TLE4: variants seen among roughly 807,000 people sequenced by gnomAD.
The protein encoded by TLE4 is TLE family member 4, transcriptional corepressor.
A neutral mutation model predicts 92.8 loss-of-function variants in TLE4; 8 were observed. The ratio of observed to expected loss-of-function variants is 0.09; its 90% CI spans 0.05 to 0.16. TLE4 has a LOEUF of 0.16. TLE4 is among the 10% of genes least tolerant of loss of function. The pLI, the probability that TLE4 is intolerant of heterozygous loss-of-function variation, is 1.00. For synonymous variants in TLE4, 371 were observed against 374.1 expected (o/e 0.99, Z 0.10); for missense variants, 675 against 997.6 (o/e 0.68, Z 4.36).
chr9:79,705,762 C>A, intron 9 of TLE4, 127 bp from the exon 10 acceptor site: 1 of 929,746 alleles, frequency 1.1e-6, no homozygotes, highest in Non-Finnish European at 1.8e-6. Context: ...AGGACATTGT[C>A]AAGTATTTAA....
rs2071706178 is a variant in TLE4 at position 79,706,803 on chromosome 9, C to G, written c.840C>G (p.Asp280Glu). 8 of 1,614,194 alleles carry G rather than the reference C, an allele frequency of 5.0e-6. No homozygotes were observed. The highest frequency in any genetic ancestry group is 6.8e-6 in the Non-Finnish European group (8 of 1,180,028). ...PAHSPRENGL[D>E]KTRLLKKDAP... is the part of the protein sequence containing the mutation. ...ATTCCCCCAGAGAGAATGGCCTAGA[C>G]AAGACACGCCTGCTCAAGAAAGATG... The change falls in exon 11 of 20, where the codon GAC (aspartate) becomes GAG (glutamate). Residue 280 changes from aspartate (D) to glutamate (E), a missense_variant. Physicochemically the swap from Asp to Glu is conservative, Grantham distance 45. Around this residue, in one of 5 missense-constraint regions of TLE4, gnomAD observed 280 missense variants for 287.3 expected, o/e 0.97. Coordinates refer to ENST00000376552, the MANE Select transcript of TLE4 (RefSeq NM_007005.6).
chr9:79,634,122 A>C (rs1282833860), intron 6 of TLE4, among the ~76,000 whole-genome samples: 1 of 152,164 alleles, frequency 6.6e-6, no homozygotes, highest in East Asian at 1.9e-4. Flanking sequence ...TAAATATTTG[A>C]GTACTTTCAC....
intron 5 of TLE4, among the ~76,000 whole-genome samples, chr9:79,619,869 C>A (rs1297240563): frequency 6.6e-6 from 1 of 152,146 alleles, no homozygotes; most frequent in African/African-American, 2.4e-5. Context: ...TATATATTTT[C>A]TCATAATACT....
At chr9:79,654,991 C>T (rs1313902980) in intron 8 of TLE4, among the ~76,000 whole-genome samples, 2 of 152,230 alleles carry the variant, frequency 1.3e-5, no homozygotes, top group East Asian at 3.9e-4. Context: ...AAAATACAAA[C>T]ATTAGCTGGG....
At chr9:79,647,188 T>C (rs1426269932) in intron 6 of TLE4, among the ~76,000 whole-genome samples, 2 of 152,174 alleles carry the variant, frequency 1.3e-5, no homozygotes, top group Non-Finnish European at 2.9e-5. Flanking sequence ...TTTCTTAGTT[T>C]TGATAAATTT....
At chr9:79,579,075 G>A (rs774862702) in intron 4 of TLE4, among the ~76,000 whole-genome samples, 2 of 152,124 alleles carry the variant, frequency 1.3e-5, no homozygotes, top group African/African-American at 4.8e-5. Flanking sequence ...TTAGTGTGAC[G>A]TCTTCAAAAT....
intron 2 of TLE4, among the ~76,000 whole-genome samples, chr9:79,574,664 A>G (rs1447082919): frequency 6.6e-6 from 1 of 152,158 alleles, no homozygotes; most frequent in African/African-American, 2.4e-5. Context: ...AAATCCTAAA[A>G]ACAAAAAACC....
At chr9:79,587,671 A>G (rs2041473422) in intron 4 of TLE4, among the ~76,000 whole-genome samples, 1 of 152,180 alleles carries the variant, frequency 6.6e-6, no homozygotes, top group South Asian at 2.1e-4. Flanking sequence ...AAACAATCCT[A>G]ATATTGCCAG....
chr9:79,642,700 T>C (rs2057398290), intron 6 of TLE4, among the ~76,000 whole-genome samples: 3 of 152,118 alleles, frequency 2.0e-5, no homozygotes. Flanking sequence ...AGTTAATAAA[T>C]CAGGGTTTTT....
Position 79,572,601 on chromosome 9 carries a change from G to A in TLE4, c.-190G>A, listed in dbSNP as rs2036097875. 3 of 255,488 alleles carry A rather than the reference G, an allele frequency of 1.2e-5. No homozygotes were observed. The highest frequency in any genetic ancestry group is 2.2e-5 in the Non-Finnish European group (3 of 134,278). 15.8% of individuals were successfully genotyped at this position (255,488 alleles called of 1,614,324 possible). The stretch of plus-strand genomic sequence containing the variant: ...GCGGGGAATGCGGAGCGGCCCGGCA[G>A]CCGGCACCCAGCCGCCGCCGCGCGT... On this transcript the variant is annotated 5_prime_UTR_variant, in exon 1 of 20. Coordinates refer to ENST00000376552, the MANE Select transcript of TLE4 (RefSeq NM_007005.6).
At chr9:79,638,311 A>G (rs926624361) in intron 6 of TLE4, among the ~76,000 whole-genome samples, 4 of 152,126 alleles carry the variant, frequency 2.6e-5, no homozygotes, top group African/African-American at 7.2e-5. Context: ...GATAAGCTCT[A>G]TACTTCTCTG....
intron 4 of TLE4, among the ~76,000 whole-genome samples, chr9:79,589,782 C>T (rs1039465920): frequency 6.6e-6 from 1 of 152,112 alleles, no homozygotes; most frequent in African/African-American, 2.4e-5. Flanking sequence ...GACCGGGCTG[C>T]CTGAGAATTC....
chr9:79,621,907 A>G (rs2051105455), intron 5 of TLE4, among the ~76,000 whole-genome samples: 1 of 152,204 alleles, frequency 6.6e-6, no homozygotes, highest in Non-Finnish European at 1.5e-5. Context: ...TTCGGGCCTA[A>G]GTATCTTTCA....
chr9:79,615,714 A>T (rs1478853034), intron 5 of TLE4, among the ~76,000 whole-genome samples: 1 of 152,194 alleles, frequency 6.6e-6, no homozygotes, highest in Non-Finnish European at 1.5e-5. Context: ...CTTTTTAGAA[A>T]TGAGTTGTAT....
At chr9:79,721,096 A>C (rs940707656) in intron 16 of TLE4, among the ~76,000 whole-genome samples, 7 of 152,228 alleles carry the variant, frequency 4.6e-5, no homozygotes, top group Non-Finnish European at 8.8e-5. Flanking sequence ...ACTGAAACCT[A>C]TAGATCCCAA....
At chr9:79,575,798 C>G (rs1165036385) in intron 3 of TLE4, 1 of 204,382 alleles carries the variant, frequency 4.9e-6, no homozygotes, top group African/African-American at 2.3e-5. Context: ...TGTTAACTTG[C>G]CTGCTGTGCT....
intron 6 of TLE4, 60 bp from the exon 7 acceptor site, chr9:79,652,533 T>C (rs2059190446): frequency 5.0e-6 from 8 of 1,587,496 alleles, no homozygotes; most frequent in Non-Finnish European, 4.3e-6. Context: ...TCTGTTTCTC[T>C]TGGGGCAGGG....
In TLE4 at chr9:79,692,197, C is replaced by T. The variant is rs539655040; in HGVS notation, c.610-12586C>T. Among the ~76,000 whole-genome samples, 4 of 152,200 alleles carry T rather than the reference C, an allele frequency of 2.6e-5. No individual in the cohort carries two copies. The East Asian group carries it at 7.7e-4, about 29-fold the overall frequency. ...CACTTAGCATTGTAACTCAAGGTTG[C>T]CCTAGAAGGCACATTTGACATGAAT... On this transcript the variant is annotated intron_variant, in intron 8 of 19. Coordinates refer to ENST00000376552, the MANE Select transcript of TLE4 (RefSeq NM_007005.6).
At chr9:79,658,652 A>T (rs1452466172) in intron 8 of TLE4, among the ~76,000 whole-genome samples, 1 of 152,238 alleles carries the variant, frequency 6.6e-6, no homozygotes, top group Non-Finnish European at 1.5e-5. Context: ...TAACCGGTGA[A>T]TGTGGGTTTT....
Sources: gnomAD v4.1 joint callset for allele counts (sites outside exome capture counted in the v4.1 genomes callset) on GRCh38, gnomAD v4.1.1 for gene constraint, gnomAD v4.1.1 regional missense constraint, MANE v1.5 for transcripts, NCBI Gene and HGNC (gene_info 2026-07-23, HGNC 2026-07-21) for gene names.